TIAM1: variants seen among roughly 807,000 people sequenced by gnomAD.
TIAM1 encodes TIAM Rac1 associated GEF 1.
Under a neutral mutation model 163.5 loss-of-function variants are expected in TIAM1, and 65 were observed. The observed-to-expected ratio is 0.40, with a 90% CI of 0.33 to 0.49. The LOEUF is 0.49. Among genes scored for constraint, TIAM1 ranks in the 20% least tolerant of loss-of-function variants. The pLI, the probability that TIAM1 is intolerant of heterozygous loss-of-function variation, is 0.77. For synonymous variants in TIAM1, 833 were observed against 810.1 expected, an observed-to-expected ratio of 1.03 and a Z score of -0.48; for missense variants, 1,789 against 2,044.7, an observed-to-expected ratio of 0.87 and a Z score of 2.41.
chr21:31,228,296 T>C (rs927517709), intron 6 of TIAM1, among the ~76,000 whole-genome samples: 1 of 76,718 alleles, frequency 1.3e-5, no homozygotes, highest in African/African-American at 4.5e-5. Flanking sequence ...AAATACCCAG[T>C]GTTGGCAAAG....
intron 10 of TIAM1, among the ~76,000 whole-genome samples, chr21:31,210,799 AAAGAAAGAAAGAAAG>A (rs1393434162): frequency 6.2e-5 from 9 of 145,008 alleles, no homozygotes; most frequent in African/African-American, 2.2e-4. Flanking sequence ...AGAAAGAAAG[AAAGAAAGAAAGAAAG>A]GTCACCATTC....
At chr21:31,371,780 G>T (rs1456702722) in intron 2 of TIAM1, among the ~76,000 whole-genome samples, 1 of 152,158 alleles carries the variant, frequency 6.6e-6, no homozygotes, top group Admixed American at 6.5e-5. Context: ...GGACAGGAAA[G>T]TCCTTCTAAC....
chr21:31,182,000 TCTCAAACTCCTGAC>T (rs2085053975), intron 15 of TIAM1, among the ~76,000 whole-genome samples: 3 of 149,858 alleles, frequency 2.0e-5, no homozygotes, highest in African/African-American at 7.4e-5. Context: ...CCCAGGCTGG[TCTCAAACTCCTGAC>T]CTCAAGGTAT....
At chr21:31,159,939 C>G (rs2083824925) in intron 16 of TIAM1, among the ~76,000 whole-genome samples, 1 of 152,164 alleles carries the variant, frequency 6.6e-6, no homozygotes, top group African/African-American at 2.4e-5. Context: ...CCTTCTATAT[C>G]TATCTCCTTC....
chr21:31,363,179 G>T (rs2076436055), intron 2 of TIAM1, among the ~76,000 whole-genome samples: 1 of 152,074 alleles, frequency 6.6e-6, no homozygotes, highest in African/African-American at 2.4e-5. Flanking sequence ...AAAACTGCTG[G>T]CAGCCATGCT....
At position 31,527,108 on chromosome 21, in the gene TIAM1, C is replaced by T. The variant is rs78333731; in HGVS notation, c.-422+31819G>A. ...ACACCGGAGAAACTGGGCTCCAACA[C>T]AGAGACTAGATTTAACTCCTGCTTG... On this transcript the variant is annotated intron_variant, in intron 1 of 28. Transcript: ENST00000286827. Among the ~76,000 whole-genome samples the T allele has an allele frequency of 3.4e-3, 524 of 152,260 alleles. 2 individuals carry two copies. Among genetic ancestry groups the T allele is most frequent in the African/African-American group, 0.012 (505 of 41,558 alleles).
At chr21:31,143,161 T>G (rs957069294) in intron 20 of TIAM1, among the ~76,000 whole-genome samples, 2 of 152,072 alleles carry the variant, frequency 1.3e-5, no homozygotes, top group African/African-American at 4.8e-5. Flanking sequence ...CAGTCACCTC[T>G]CCATTTGGCT....
Position 31,175,725 on chromosome 21 carries a change from A to G in TIAM1, c.2887+6696T>C, listed in dbSNP as rs190826856. Among the ~76,000 whole-genome samples, 40 of 152,124 alleles carry G rather than the reference A, an allele frequency of 2.6e-4. 1 individual carries two copies. Among genetic ancestry groups the G allele is most frequent in the Admixed American group, 1.8e-3 (27 of 15,282 alleles). ...GAGAGTCTCCTGCCTCAGCCTCCCA[A>G]GCAGCTGGGATTACAGGCGCCCGCC... On this transcript the variant is annotated intron_variant, in intron 15 of 27. Transcript: ENST00000541036.
intron 6 of TIAM1, among the ~76,000 whole-genome samples, chr21:31,241,884 C>A (rs987658008): frequency 6.6e-6 from 1 of 152,076 alleles, no homozygotes; most frequent in African/African-American, 2.4e-5. Flanking sequence ...GTGGTGTACA[C>A]CTGTAGTCCC....
At chr21:31,278,441 G>T (rs1294611410) in intron 2 of TIAM1, among the ~76,000 whole-genome samples, 1 of 152,194 alleles carries the variant, frequency 6.6e-6, no homozygotes, top group East Asian at 1.9e-4. Context: ...CAAAAGAAAG[G>T]CCTGAAGGGC....
At chr21:31,524,262 G>A (rs2047704492) in intron 1 of TIAM1, among the ~76,000 whole-genome samples, 1 of 152,162 alleles carries the variant, frequency 6.6e-6, no homozygotes, top group Non-Finnish European at 1.5e-5. Flanking sequence ...TTTACTCATG[G>A]TGCAAGGTGA....
intron 2 of TIAM1, among the ~76,000 whole-genome samples, chr21:31,325,732 G>A (rs896517170): frequency 3.3e-5 from 5 of 151,442 alleles, no homozygotes; most frequent in Admixed American, 2.6e-4. Context: ...TATTCATCAT[G>A]TATCTGGGGA....
chr21:31,260,239 T>C (rs902805106), intron 4 of TIAM1, among the ~76,000 whole-genome samples: 2 of 143,074 alleles, frequency 1.4e-5, no homozygotes, highest in African/African-American at 2.5e-5. Flanking sequence ...TATACACATA[T>C]ATACTTTTTT....
At position 31,220,389 on chromosome 21, in the gene TIAM1, C is replaced by T. The variant is rs576077595; in HGVS notation, c.1996-2690G>A. ...TAAATACCACAAAGCAAAAGCACAT[C>T]CTATATAACACGGTGACAACAATGG... On this transcript the variant is annotated intron_variant, in intron 8 of 27. Transcript: ENST00000541036. Among the ~76,000 whole-genome samples the T allele has an allele frequency of 3.9e-5, 6 of 152,296 alleles. No homozygotes were observed. The South Asian group carries it at 1.2e-3, about 32-fold the overall frequency.
chr21:31,527,934 G>A (rs996299126), intron 1 of TIAM1, among the ~76,000 whole-genome samples: 2 of 152,182 alleles, frequency 1.3e-5, no homozygotes, highest in African/African-American at 4.8e-5. Context: ...AACAGGAACA[G>A]AGTGGGAGCA....
chr21:31,400,106 A>G (rs1224623012), intron 2 of TIAM1, among the ~76,000 whole-genome samples: 1 of 151,992 alleles, frequency 6.6e-6, no homozygotes. Context: ...AAGGGGAAAT[A>G]TAAGGACAAC....
intron 1 of TIAM1, among the ~76,000 whole-genome samples, chr21:31,548,012 CTA>C (rs2048552626): frequency 6.6e-6 from 1 of 152,036 alleles, no homozygotes; most frequent in African/African-American, 2.4e-5. Context: ...TTAATTCCAG[CTA>C]AAATAATAAC....
At chr21:31,178,407 C>T (rs368036807) in intron 15 of TIAM1, among the ~76,000 whole-genome samples, 1 of 146,730 alleles carries the variant, frequency 6.8e-6, no homozygotes, top group East Asian at 2.2e-4. Context: ...CCGGGGTTCA[C>T]GCCATTCTCC....
At chr21:31,315,780 G>C (rs1382104187) in intron 2 of TIAM1, among the ~76,000 whole-genome samples, 1 of 151,552 alleles carries the variant, frequency 6.6e-6, no homozygotes, top group Non-Finnish European at 1.5e-5. Context: ...AGGAGATTGA[G>C]GCCATCCTGG....
Sources: allele counts gnomAD v4.1 joint callset (sites outside exome capture counted in the v4.1 genomes callset), GRCh38; gene constraint gnomAD v4.1.1; transcripts MANE v1.5; gene names NCBI Gene and HGNC (gene_info 2026-07-23, HGNC 2026-07-21).